UNC79: variants seen among roughly 807,000 people sequenced by gnomAD.
UNC79 encodes protein unc-79 homolog.
In UNC79, 37 loss-of-function variants were observed where a neutral mutation model predicts 283.1. That is an observed-to-expected ratio of 0.13 (90% CI 0.10 to 0.17). The LOEUF is 0.17. Among genes scored for constraint, UNC79 ranks in the 10% least tolerant of loss-of-function variants. The probability of loss-of-function intolerance (pLI) is 1.00; values close to 1 mark genes in which losing one functional copy is unlikely to be tolerated. For missense variants in UNC79, 2,272 were observed against 3,211.1 expected (o/e 0.71, Z 7.07); for synonymous variants, 1,107 against 1,200.2 (o/e 0.92, Z 1.61).
intron 14 of UNC79, among the ~76,000 whole-genome samples, chr14:93,550,533 A>ACAAAAG (rs3060650): frequency 1.6e-5 from 2 of 122,574 alleles, no homozygotes; most frequent in Non-Finnish European, 3.3e-5. Context: ...AAAAAAAAAA[A>ACAAAAG]AAAAAAAAGA....
intron 1 of UNC79, among the ~76,000 whole-genome samples, chr14:93,353,619 G>A (rs748938501): frequency 1.3e-5 from 2 of 152,088 alleles, no homozygotes; most frequent in African/African-American, 2.4e-5. Flanking sequence ...AGATAATTTT[G>A]TGTATTTGCT....
intron 1 of UNC79, among the ~76,000 whole-genome samples, chr14:93,402,289 A>G (rs2055125120): frequency 1.4e-5 from 2 of 148,146 alleles, no homozygotes; most frequent in Admixed American, 6.8e-5. Context: ...AAAAAAAAAA[A>G]AAAAAGAAAA....
At chr14:93,627,189 G>T (rs2067633458) in intron 30 of UNC79, among the ~76,000 whole-genome samples, 1 of 152,128 alleles carries the variant, frequency 6.6e-6, no homozygotes, top group African/African-American at 2.4e-5. Context: ...TGACATATCT[G>T]CAGTCTTTGA....
intron 7 of UNC79, among the ~76,000 whole-genome samples, chr14:93,498,461 C>T (rs962985382): frequency 6.6e-5 from 10 of 151,302 alleles, no homozygotes; most frequent in East Asian, 3.9e-4. Context: ...CGTGGTGGCA[C>T]GTGCCTCTAG....
chr14:93,504,333 A>C (rs1274351116), intron 7 of UNC79, among the ~76,000 whole-genome samples: 1 of 151,890 alleles, frequency 6.6e-6, no homozygotes, highest in Non-Finnish European at 1.5e-5. Flanking sequence ...CTAAGTTAAA[A>C]AATTTGTCAA....
chr14:93,691,771 C>T (rs2074718671), exon 46 of UNC79: 22 of 1,614,052 alleles, frequency 1.4e-5, no homozygotes, highest in Non-Finnish European at 1.9e-5. Flanking sequence ...CACATGTGCT[C>T]CCTCTTCCAC....
rs1037218300 is a variant in UNC79 at position 93,706,639 on chromosome 14, G to A, written c.7591-65G>A. On this transcript the variant is annotated intron_variant, in intron 48 of 48. Transcript: ENST00000555664. ...AATTCTGCCTGCAAGAAGCCGCCCGGGTCGACACTCCCTGGGTTGCCCGTG... is the reference window on the plus strand; with the variant it reads ...AATTCTGCCTGCAAGAAGCCGCCCGAGTCGACACTCCCTGGGTTGCCCGTG... 35 of 1,589,842 alleles carry A rather than the reference G, an allele frequency of 2.2e-5. No homozygotes were observed. In the Middle Eastern group the frequency reaches 6.7e-4, roughly 30 times the overall value.
chr14:93,538,314 A>G, intron 12 of UNC79, 96 bp downstream of exon 12: 2 of 1,280,358 alleles, frequency 1.6e-6, no homozygotes, highest in Non-Finnish European at 2.1e-6. Flanking sequence ...TGCAACCTCA[A>G]ATGCCCTTAG....
chr14:93,626,744 T>A (rs2067599498), intron 30 of UNC79, among the ~76,000 whole-genome samples: 1 of 152,016 alleles, frequency 6.6e-6, no homozygotes, highest in Non-Finnish European at 1.5e-5. Context: ...TATCATTTAA[T>A]TTTTGGTATC....
chr14:93,387,160 C>T (rs371027528), intron 1 of UNC79, among the ~76,000 whole-genome samples: 2 of 151,984 alleles, frequency 1.3e-5, no homozygotes, highest in South Asian at 2.1e-4. Context: ...TCAGGCTGGT[C>T]GCAAACTCCT....
chr14:93,550,550 A>AGTCTTCC (rs2061839767), intron 14 of UNC79, among the ~76,000 whole-genome samples: 1 of 147,758 alleles, frequency 6.8e-6, no homozygotes. Flanking sequence ...AAGAGGAAGG[A>AGTCTTCC]GTCTTCCCTG....
intron 1 of UNC79, chr14:93,347,490 C>A: frequency 7.6e-7 from 1 of 1,309,560 alleles, no homozygotes; most frequent in Non-Finnish European, 9.8e-7. Flanking sequence ...GGCGTGCAGG[C>A]CTCGCGTGGG....
chr14:93,597,616 G>A (rs1310441430), intron 24 of UNC79, 76 bp downstream of exon 24: 47 of 1,445,062 alleles, frequency 3.3e-5, no homozygotes, highest in Non-Finnish European at 4.3e-5. Flanking sequence ...TGTTTGTCAC[G>A]TCCTAGTCTG....
chr14:93,502,612 C>T (rs2059350443), intron 7 of UNC79, among the ~76,000 whole-genome samples: 1 of 152,144 alleles, frequency 6.6e-6, no homozygotes, highest in South Asian at 2.1e-4. Flanking sequence ...AGCAATTTTC[C>T]TGTTACAGTG....
Position 93,573,918 on chromosome 14 carries a change from T to C in UNC79, c.2070+1102T>C, listed in dbSNP as rs2063338315. Among the ~76,000 whole-genome samples, 3 of 152,050 alleles carry C rather than the reference T, an allele frequency of 2.0e-5. No individual in the cohort carries two copies. The South Asian group carries it at 6.2e-4, about 32-fold the overall frequency. On this transcript the variant is annotated intron_variant, in intron 16 of 48. Transcript: ENST00000555664. Reference sequence around the variant, plus strand: ...TACTTGGGAGGCCGAGCCGGGAGAATCTCTTGAGCCCAGGAGATCGAGGCT... The same window carrying C: ...TACTTGGGAGGCCGAGCCGGGAGAACCTCTTGAGCCCAGGAGATCGAGGCT...
intron 1 of UNC79, among the ~76,000 whole-genome samples, chr14:93,413,323 A>G (rs2055376027): frequency 1.3e-5 from 2 of 152,050 alleles, no homozygotes; most frequent in East Asian, 3.9e-4. Flanking sequence ...GATGATTTCC[A>G]ATTTCATCCA....
In UNC79 at chr14:93,600,708, A is replaced by G; in HGVS notation, c.3512A>G (p.Glu1171Gly). 6.2e-7 allele frequency: 1 copy of G among 1,613,858 alleles called. No homozygotes were observed. The highest frequency in any genetic ancestry group is 8.5e-7 in the Non-Finnish European group (1 of 1,179,862). The change falls in exon 25 of 49, where the codon GAG becomes GGG. Residue 1171 changes from glutamate (E) to glycine (G), a missense_variant. Physicochemically the swap from Glu to Gly is moderately conservative, Grantham distance 98. Coordinates refer to ENST00000555664, the Ensembl canonical transcript of UNC79. Reference sequence around the variant, plus strand: ...TGGGAGTTCTTTGTCAATAGATTTGAGACGCTTTCTTTGGAAGCCCAGCTA... The same window carrying G: ...TGGGAGTTCTTTGTCAATAGATTTGGGACGCTTTCTTTGGAAGCCCAGCTA...
intron 8 of UNC79, among the ~76,000 whole-genome samples, chr14:93,525,247 C>A (rs2060494933): frequency 6.6e-6 from 1 of 151,958 alleles, no homozygotes; most frequent in Non-Finnish European, 1.5e-5. Context: ...GAGTTTGAGC[C>A]CAGTCTGGCC....
At chr14:93,448,335 T>C (rs1419037393) in intron 1 of UNC79, among the ~76,000 whole-genome samples, 1 of 152,194 alleles carries the variant, frequency 6.6e-6, no homozygotes, top group African/African-American at 2.4e-5. Context: ...TTTTCAGTTC[T>C]AGAATTTCCA....
Sources: allele counts gnomAD v4.1 joint callset (sites outside exome capture counted in the v4.1 genomes callset), GRCh38; gene constraint gnomAD v4.1.1; transcripts MANE v1.5; gene names NCBI Gene and HGNC (gene_info 2026-07-23, HGNC 2026-07-21).